The following NCALD variants were observed in gnomAD, a reference collection of about 807,000 sequenced individuals.
NCALD encodes neurocalcin-delta.
A neutral mutation model predicts 18.6 loss-of-function variants in NCALD; 10 were observed. The ratio of observed to expected loss-of-function variants is 0.54; its 90% confidence interval spans 0.33 to 0.91. NCALD has a LOEUF of 0.91. Among genes scored for constraint, NCALD ranks in the 40% least tolerant of loss-of-function variants. NCALD has a pLI of 0.03. For synonymous variants in NCALD, 88 were observed against 87.4 expected (o/e 1.01, Z -0.04); for missense variants, 184 against 247.6 (o/e 0.74, Z 1.72).
At chr8:101,857,116 C>A (rs1465605673) in intron 4 of NCALD, among the ~76,000 whole-genome samples, 1 of 152,152 alleles carries the variant, frequency 6.6e-6, no homozygotes, top group Non-Finnish European at 1.5e-5. Flanking sequence ...ATGAACCAAG[C>A]ATTGCTACCA....
At chr8:101,821,475 G>T (rs1204229295) in intron 4 of NCALD, among the ~76,000 whole-genome samples, 1 of 152,136 alleles carries the variant, frequency 6.6e-6, no homozygotes, top group Non-Finnish European at 1.5e-5. Context: ...AGTGAGTCTG[G>T]ATTTGAACCA....
chr8:101,735,242 C>A (rs1489091314), intron 1 of NCALD, among the ~76,000 whole-genome samples: 3 of 152,146 alleles, frequency 2.0e-5, no homozygotes, highest in Non-Finnish European at 4.4e-5. Flanking sequence ...ATTAAACTGA[C>A]AAGAGAGAAA....
chr8:101,795,888 T>C (rs769014793), upstream of NCALD, among the ~76,000 whole-genome samples: 90 of 152,326 alleles, frequency 5.9e-4, no homozygotes, highest in Non-Finnish European at 1.1e-3. Context: ...TCCAACAATC[T>C]GTACCGTTTT....
chr8:101,853,679 G>A (rs562037), intron 4 of NCALD, among the ~76,000 whole-genome samples: 48,852 of 151,898 alleles, frequency 0.32, 9,184 homozygotes, highest in African/African-American at 0.51. Context: ...GGGGAGGCCG[G>A]GGTGGGGGAG....
At chr8:102,089,163 G>T (rs1355814415) in intron 1 of NCALD, among the ~76,000 whole-genome samples, 4 of 152,190 alleles carry the variant, frequency 2.6e-5, no homozygotes, top group Non-Finnish European at 5.9e-5. Flanking sequence ...GGGAGGCCAA[G>T]GTGGGTGGAT....
intron 2 of NCALD, among the ~76,000 whole-genome samples, chr8:101,703,437 A>C (rs2130178782): frequency 6.6e-6 from 1 of 151,900 alleles, no homozygotes; most frequent in Admixed American, 6.5e-5. Flanking sequence ...CATCAGCATG[A>C]GATTAGAGAG....
chr8:101,772,430 A>C (rs1017619428), intron 1 of NCALD, among the ~76,000 whole-genome samples: 2 of 152,174 alleles, frequency 1.3e-5, no homozygotes, highest in Non-Finnish European at 2.9e-5. Flanking sequence ...CACTTGTCAG[A>C]ATGGCCTGTT....
At chr8:101,907,209 C>T (rs551909162) in intron 3 of NCALD, among the ~76,000 whole-genome samples, 4 of 152,218 alleles carry the variant, frequency 2.6e-5, no homozygotes, top group Non-Finnish European at 4.4e-5. Context: ...TCTCTAGTCT[C>T]AGCCCTGCAA....
Position 101,689,487 on chromosome 8 carries a change from A to AG in NCALD, c.485-82dup. The AG allele has an allele frequency of 1.8e-6, 2 of 1,118,822 alleles. No homozygotes were observed. The highest frequency in any genetic ancestry group is 2.6e-6 in the Non-Finnish European group (2 of 764,530). The allele number at this position is 1,118,822 out of a possible 1,614,324, so 69.3% of individuals were successfully genotyped here. On this transcript the variant is annotated intron_variant, in intron 3 of 3. Coordinates refer to ENST00000220931, the MANE Select transcript of NCALD (RefSeq NM_032041.3). The surrounding 1 kb of genome is among the most constrained non-coding windows in gnomAD (Gnocchi z 4.4). ...CCCTTCCCACTACTGCGTGCTGGGCAGTGTCGATTCACCTGCCTGCAGCCT... is the reference window on the plus strand; with the variant it reads ...CCCTTCCCACTACTGCGTGCTGGGCAGGTGTCGATTCACCTGCCTGCAGCCT...
chr8:101,998,665 G>A (rs1007724381), intron 2 of NCALD, among the ~76,000 whole-genome samples: 6 of 152,194 alleles, frequency 3.9e-5, no homozygotes, highest in Admixed American at 2.6e-4. Context: ...CAAGGATGGC[G>A]ATGGCTTACC....
At chr8:102,086,112 AT>A (rs1295339400) in intron 1 of NCALD, among the ~76,000 whole-genome samples, 1 of 152,172 alleles carries the variant, frequency 6.6e-6, no homozygotes, top group African/African-American at 2.4e-5. Flanking sequence ...TATTTCTCAA[AT>A]TCTAAATTTG....
intron 1 of NCALD, among the ~76,000 whole-genome samples, chr8:102,028,261 T>C (rs1822533245): frequency 6.6e-6 from 1 of 152,188 alleles, no homozygotes; most frequent in Admixed American, 6.5e-5. Flanking sequence ...AGTCTATGTG[T>C]ATATACAGGA....
intron 2 of NCALD, among the ~76,000 whole-genome samples, chr8:101,972,090 G>A (rs936779365): frequency 1.3e-5 from 2 of 152,268 alleles, no homozygotes; most frequent in Admixed American, 1.3e-4. Context: ...GTGAGGAGGA[G>A]GAGGATGTTG....
At chr8:101,972,423 A>G (rs1211981164) in intron 2 of NCALD, among the ~76,000 whole-genome samples, 1 of 152,206 alleles carries the variant, frequency 6.6e-6, no homozygotes, top group East Asian at 1.9e-4. Flanking sequence ...GCTACTCCAG[A>G]AAAGTGTAAC....
At chr8:101,794,046 G>A (rs1459266122), upstream of NCALD, among the ~76,000 whole-genome samples, 1 of 152,154 alleles carries the variant, frequency 6.6e-6, no homozygotes, top group East Asian at 1.9e-4. Flanking sequence ...ATCTTTTTAT[G>A]GCTGGACCTT....
At chr8:102,097,166 T>C (rs1825129744) in intron 1 of NCALD, among the ~76,000 whole-genome samples, 1 of 152,194 alleles carries the variant, frequency 6.6e-6, no homozygotes. Flanking sequence ...TTTCATAGTA[T>C]TCGTTTACCT....
chr8:101,982,033 CT>C (rs1321791261), intron 2 of NCALD, among the ~76,000 whole-genome samples: 1 of 152,036 alleles, frequency 6.6e-6, no homozygotes, highest in Non-Finnish European at 1.5e-5. Flanking sequence ...AGTGTGGCAC[CT>C]CCTCTGTCTC....
chr8:101,907,153 T>C (rs921616167), intron 3 of NCALD, among the ~76,000 whole-genome samples: 1 of 152,354 alleles, frequency 6.6e-6, no homozygotes, highest in East Asian at 1.9e-4. Context: ...TTATGGAGTT[T>C]TTGGCAACTT....
chr8:101,939,709 C>G (rs550345312), intron 2 of NCALD, among the ~76,000 whole-genome samples: 1 of 152,304 alleles, frequency 6.6e-6, no homozygotes, highest in African/African-American at 2.4e-5. Flanking sequence ...GTGTACTGAT[C>G]AACTTATTAC....
Sources: allele counts gnomAD v4.1 joint callset (sites outside exome capture counted in the v4.1 genomes callset), GRCh38; gene constraint gnomAD v4.1.1; non-coding constraint Gnocchi (gnomAD v3.1); transcripts MANE v1.5; gene names NCBI Gene and HGNC (gene_info 2026-07-23, HGNC 2026-07-21).